NUFIP2: variants seen among roughly 807,000 people sequenced by gnomAD.
NUFIP2 encodes FMR1-interacting protein NUFIP2.
In NUFIP2, 6 loss-of-function variants were observed where a neutral mutation model predicts 56.9. That is an observed-to-expected ratio of 0.11 (90% CI 0.06 to 0.21). The LOEUF (loss-of-function observed/expected upper bound fraction) is 0.21, where lower values mean the gene tolerates loss of function less well. NUFIP2 is among the 10% of genes least tolerant of loss of function. The pLI, the probability that NUFIP2 is intolerant of heterozygous loss-of-function variation, is 1.00. For synonymous variants in NUFIP2, 321 were observed against 298.2 expected (o/e 1.08, Z -0.79); for missense variants, 828 against 826.8 (o/e 1.00, Z -0.02).
intron 2 of NUFIP2, among the ~76,000 whole-genome samples, chr17:29,268,878 T>C (rs1278197346): frequency 6.6e-6 from 1 of 152,158 alleles, no homozygotes; most frequent in Admixed American, 6.6e-5. Context: ...CCAATCCACA[T>C]CTATTATTAA....
chr17:29,292,609 C>G (rs1245117747), intron 1 of NUFIP2, among the ~76,000 whole-genome samples: 1 of 150,766 alleles, frequency 6.6e-6, no homozygotes, highest in Non-Finnish European at 1.5e-5. Flanking sequence ...CCCCGCCGCC[C>G]CCCCAGGCCT....
Position 29,256,999 on chromosome 17 carries a change from A to G in NUFIP2, c.*7540T>C, listed in dbSNP as rs886751330. 5 of 152,344 alleles carry G rather than the reference A, an allele frequency of 3.3e-5. No individual in the cohort carries two copies. The South Asian group carries it at 8.3e-4, about 25-fold the overall frequency. The allele number at this position is 152,344 out of a possible 1,614,324, so 9.4% of individuals were successfully genotyped here. Reference sequence around the variant, plus strand: ...ACCAGCTTTAAGACAAAAAATCGTCACCAAGTTCCATATGACAAAAAAGGG... The same window carrying G: ...ACCAGCTTTAAGACAAAAAATCGTCGCCAAGTTCCATATGACAAAAAAGGG... On this transcript the variant is annotated 3_prime_UTR_variant, in exon 4 of 4. Coordinates refer to ENST00000225388, the MANE Select transcript of NUFIP2 (RefSeq NM_020772.3).
intron 2 of NUFIP2, among the ~76,000 whole-genome samples, chr17:29,275,792 C>T (rs963783714): frequency 6.6e-6 from 1 of 152,024 alleles, no homozygotes; most frequent in Non-Finnish European, 1.5e-5. Flanking sequence ...CTTTGGGAGG[C>T]CAAGGCGGGT....
chr17:29,293,913 ATGGTGGTGG>A lies in NUFIP2; in HGVS notation c.138_146del (p.His49_His51del), dbSNP rs751250575. On this transcript the variant is annotated inframe_deletion, in exon 1 of 4. Coordinates refer to ENST00000225388, the MANE Select transcript of NUFIP2 (RefSeq NM_020772.3). ...GGTATTGGTGAGGCTGCTGGTGATG[ATGGTGGTGG>A]TGGTGGTTGTGGCTGTGGTTGTAGA... 6.8e-6 allele frequency: 11 copies of A among 1,613,092 alleles called. No individual in the cohort carries two copies. The highest frequency in any genetic ancestry group is 9.3e-6 in the Non-Finnish European group (11 of 1,179,594).
At chr17:29,293,276 C>G (rs1202763976) in intron 1 of NUFIP2, among the ~76,000 whole-genome samples, 1 of 151,470 alleles carries the variant, frequency 6.6e-6, no homozygotes, top group Non-Finnish European at 1.5e-5. Flanking sequence ...CACAGGTGGG[C>G]TTGGGGTGGC....
chr17:29,277,640 G>A (rs923910063), intron 2 of NUFIP2, among the ~76,000 whole-genome samples: 17 of 152,048 alleles, frequency 1.1e-4, no homozygotes, highest in Non-Finnish European at 7.4e-5. Flanking sequence ...TGCCATACTT[G>A]TGCCTATTCT....
Position 29,262,917 on chromosome 17 carries a change from CAACAA to C in NUFIP2, c.*1617_*1621del, listed in dbSNP as rs1378279653. On this transcript the variant is annotated 3_prime_UTR_variant, in exon 4 of 4. Coordinates refer to ENST00000225388, the MANE Select transcript of NUFIP2 (RefSeq NM_020772.3). ...ACTTGTTTTAAAAGCCTCAAATAATCAACAAAACAAGAAAACCCATCCATACTACA... is the reference window on the plus strand; with the variant it reads ...ACTTGTTTTAAAAGCCTCAAATAATCAACAAGAAAACCCATCCATACTACA... The C allele has an allele frequency of 6.6e-6, 1 of 152,360 alleles. No individual in the cohort carries two copies. Among genetic ancestry groups the C allele is most frequent in the African/African-American group, 2.4e-5 (1 of 41,398 alleles). The allele number at this position is 152,360 out of a possible 1,614,324, so 9.4% of individuals were successfully genotyped here.
At chr17:29,281,251 G>A (rs1193274975) in intron 2 of NUFIP2, among the ~76,000 whole-genome samples, 3 of 152,066 alleles carry the variant, frequency 2.0e-5, no homozygotes, top group Non-Finnish European at 2.9e-5. Context: ...GAACCTGAGA[G>A]GCGGAGGTTG....
chr17:29,291,701 T>C (rs2069214586), intron 1 of NUFIP2, among the ~76,000 whole-genome samples: 1 of 152,250 alleles, frequency 6.6e-6, no homozygotes, highest in Non-Finnish European at 1.5e-5. Context: ...AATATTGCCT[T>C]ATGCAGCCAT....
In NUFIP2 at chr17:29,287,447, T is replaced by C; in HGVS notation, c.547A>G (p.Thr183Ala). ...GENQSVDKSD[T>A]IPIPNGVVTN... ...ACCACACCATTTGGAATTGGTATAG[T>C]ATCAGACTTATCTACAGACTGATTC... Residue 183 changes from threonine (T) to alanine (A), a missense_variant, in exon 2 of 4, where the codon ACT (threonine) becomes GCT (alanine). Thr to Ala is a moderately conservative substitution (Grantham distance 58, BLOSUM62 0). This residue lies in a region of NUFIP2 where 415 missense variants were observed against 408.7 expected (regional missense o/e 1.02). Transcript: ENST00000225388. 1 of 1,614,114 alleles carries C rather than the reference T, an allele frequency of 6.2e-7. No homozygotes were observed. Among genetic ancestry groups the C allele is most frequent in the Non-Finnish European group, 8.5e-7 (1 of 1,179,932 alleles).
At chr17:29,293,665 GA>G (rs1203799982) in intron 1 of NUFIP2, 117 bp downstream of exon 1, 7 of 1,101,742 alleles carry the variant, frequency 6.4e-6, no homozygotes, top group Non-Finnish European at 7.5e-6. Flanking sequence ...CCCAGAGCCG[GA>G]GGGGACACAC....
intron 1 of NUFIP2, among the ~76,000 whole-genome samples, chr17:29,289,831 A>G (rs901105067): frequency 1.3e-5 from 2 of 152,228 alleles, no homozygotes; most frequent in Admixed American, 1.3e-4. Context: ...CTCCTGTATT[A>G]AAGTAACCCA....
chr17:29,292,613 C>T (rs1017268989), intron 1 of NUFIP2, among the ~76,000 whole-genome samples: 2 of 150,292 alleles, frequency 1.3e-5, no homozygotes, highest in Non-Finnish European at 3.0e-5. Flanking sequence ...GCCGCCCCCC[C>T]AGGCCTCCTG....
At chr17:29,284,454 C>A (rs907882449) in intron 2 of NUFIP2, among the ~76,000 whole-genome samples, 9 of 151,356 alleles carry the variant, frequency 5.9e-5, no homozygotes, top group Admixed American at 2.0e-4. Flanking sequence ...ACCTGTAATC[C>A]CAGCACTTTG....
In NUFIP2 at chr17:29,261,377, C is replaced by T. The variant is rs1372531669; in HGVS notation, c.*3162G>A. ...ATTCATTTACTAATTTTTAATATCT[C>T]CATCTTTTCCTCACACACACATACA... On this transcript the variant is annotated 3_prime_UTR_variant, in exon 4 of 4. Transcript: ENST00000225388. 7.9e-5 allele frequency: 12 copies of T among 151,202 alleles called. No homozygotes were observed. Among genetic ancestry groups the T allele is most frequent in the Admixed American group, 7.9e-4 (12 of 15,176 alleles). 9.4% of individuals were successfully genotyped at this position (151,202 alleles called of 1,614,324 possible). A position where few individuals can be genotyped will look rare whatever the true frequency, so the allele number is the denominator to read the frequency against.
At position 29,259,097 on chromosome 17, in the gene NUFIP2, G is replaced by A. The variant is rs1186829594; in HGVS notation, c.*5442C>T. The A allele has an allele frequency of 6.6e-6, 1 of 152,132 alleles. No individual in the cohort carries two copies. Among genetic ancestry groups the A allele is most frequent in the Non-Finnish European group, 1.5e-5 (1 of 68,010 alleles). The allele number at this position is 152,132 out of a possible 1,614,324, so 9.4% of individuals were successfully genotyped here. ...AAATAAGCATTTTAAGAATAAAGCA[G>A]ACATCACTAAAGCAGTATCCATTTT... is the stretch of plus-strand genomic sequence containing the variant. On this transcript the variant is annotated 3_prime_UTR_variant, in exon 4 of 4. Transcript: ENST00000225388.
intron 1 of NUFIP2, 128 bp from the exon 2 acceptor site, chr17:29,287,844 C>T: frequency 2.1e-6 from 2 of 954,920 alleles, no homozygotes; most frequent in African/African-American, 1.6e-5. Context: ...TATATTATTT[C>T]ACATCTCTAT....
At chr17:29,281,224 G>A (rs1375499143) in intron 2 of NUFIP2, among the ~76,000 whole-genome samples, 1 of 152,168 alleles carries the variant, frequency 6.6e-6, no homozygotes, top group Non-Finnish European at 1.5e-5. Context: ...GGGAGGCTGA[G>A]GCAGGAGAAA....
intron 3 of NUFIP2, among the ~76,000 whole-genome samples, chr17:29,266,863 G>A (rs146332385): frequency 1.7e-3 from 259 of 151,740 alleles, no homozygotes; most frequent in African/African-American, 5.9e-3. Flanking sequence ...GTATGGTAGT[G>A]TCTTTTTGTT....
Sources: allele counts gnomAD v4.1 joint callset (sites outside exome capture counted in the v4.1 genomes callset), GRCh38; gene constraint gnomAD v4.1.1; regional missense constraint gnomAD v4.1.1; transcripts MANE v1.5; gene names NCBI Gene and HGNC (gene_info 2026-07-23, HGNC 2026-07-21).